ARHGEF6: variants seen among roughly 807,000 people sequenced by gnomAD.
The protein encoded by ARHGEF6 is rho guanine nucleotide exchange factor 6.
In ARHGEF6, 9 loss-of-function variants were observed where a neutral mutation model predicts 70.3. The ratio of observed to expected loss-of-function variants is 0.13; its 90% CI spans 0.08 to 0.22. ARHGEF6 has a LOEUF of 0.22. ARHGEF6 is among the 10% of genes least tolerant of loss of function. The probability of loss-of-function intolerance (pLI) is 1.00; values close to 1 mark genes in which losing one functional copy is unlikely to be tolerated. For missense variants in ARHGEF6, 470 were observed against 563.0 expected, an observed-to-expected ratio of 0.83 and a Z score of 1.67; for synonymous variants, 201 against 207.8, an observed-to-expected ratio of 0.97 and a Z score of 0.28.
intron 9 of ARHGEF6, among the ~76,000 whole-genome samples, chrX:136,701,776 T>C (rs5975776): frequency 0.049 from 5,011 of 102,331 alleles, 399 homozygotes; most frequent in African/African-American, 0.17. Flanking sequence ...GGCGCCATCT[T>C]GGCTCACTGC....
chrX:136,743,563 G>A (rs1385062659), intron 5 of ARHGEF6, 22 bp downstream of exon 5: 3 of 1,188,440 alleles, frequency 2.5e-6, no homozygotes, highest in East Asian at 3.0e-5. Context: ...CAATCAAAAA[G>A]CCTTTTAAAA....
chrX:136,676,298 A>G (rs764069809), intron 18 of ARHGEF6, among the ~76,000 whole-genome samples: 3 of 112,157 alleles, frequency 2.7e-5, no homozygotes, highest in Non-Finnish European at 5.6e-5. Context: ...GCAGAAAAAT[A>G]TCTCAAGTAT....
chrX:136,676,951 G>T (rs945830092), intron 17 of ARHGEF6, among the ~76,000 whole-genome samples: 1 of 112,542 alleles, frequency 8.9e-6, no homozygotes, highest in Non-Finnish European at 1.9e-5. Flanking sequence ...ACTAAGAGTG[G>T]AGTGTGCCTA....
At chrX:136,763,552 C>T (rs1367239103) in intron 2 of ARHGEF6, among the ~76,000 whole-genome samples, 1 of 112,241 alleles carries the variant, frequency 8.9e-6, no homozygotes, top group Non-Finnish European at 1.9e-5. Context: ...CGGCCGGGCA[C>T]GGTGGCTTAC....
Position 136,685,770 on chromosome X carries a change from G to A in ARHGEF6, c.1299C>T (p.Ser433=), listed in dbSNP as rs770820448. The change falls in exon 12 of 22, where the codon TCC becomes TCT. Residue 433 remains serine (S), a synonymous_variant. Coordinates refer to ENST00000250617, the MANE Select transcript of ARHGEF6 (RefSeq NM_004840.3). The stretch of plus-strand genomic sequence containing the variant: ...CTCCTTCCCATGCCTGAATAGGTTC[G>A]GACAGTATCTGTAACTCCAGCTGTT... ...KRKQLELQIL[S]EPIQAWEGED... is the part of the protein sequence containing the mutation. 47 of 1,209,125 alleles carry A rather than the reference G, an allele frequency of 3.9e-5. No homozygotes were observed. The South Asian group carries it at 6.3e-4, about 16-fold the overall frequency.
intron 2 of ARHGEF6, among the ~76,000 whole-genome samples, chrX:136,756,533 A>G (rs1603353620): frequency 1.8e-5 from 2 of 111,887 alleles, no homozygotes; most frequent in East Asian, 5.6e-4. Context: ...TCCCCTGTTC[A>G]TGCCTATGCT....
intron 11 of ARHGEF6, among the ~76,000 whole-genome samples, chrX:136,686,632 A>G (rs1257291405): frequency 1.3e-4 from 10 of 77,174 alleles, no homozygotes; most frequent in Non-Finnish European, 2.2e-4. Context: ...ACACATATAT[A>G]TATATATATA....
chrX:136,738,469 A>C (rs901092448), intron 5 of ARHGEF6, among the ~76,000 whole-genome samples: 22 of 112,524 alleles, frequency 2.0e-4, no homozygotes, highest in Non-Finnish European at 3.2e-4. Flanking sequence ...TATGAAGACA[A>C]GACAGTATAC....
At chrX:136,711,880 A>G (rs2076688957) in intron 7 of ARHGEF6, among the ~76,000 whole-genome samples, 1 of 112,193 alleles carries the variant, frequency 8.9e-6, no homozygotes, top group African/African-American at 3.2e-5. Flanking sequence ...ACCTGGCCCA[A>G]AAAACACTTT....
At chrX:136,674,940 T>C in intron 19 of ARHGEF6, 67 bp downstream of exon 19, 1 of 1,081,115 alleles carries the variant, frequency 9.2e-7, no homozygotes, top group Non-Finnish European at 1.3e-6. Flanking sequence ...TTTCTCTTTT[T>C]CTAAAAGACA....
At chrX:136,689,607 G>A (rs2076438563) in intron 10 of ARHGEF6, among the ~76,000 whole-genome samples, 1 of 111,975 alleles carries the variant, frequency 8.9e-6, no homozygotes, top group African/African-American at 3.2e-5. Flanking sequence ...GCTCCCCACT[G>A]CCTCCGGCTT....
chrX:136,721,786 G>A (rs2076800621), intron 6 of ARHGEF6, among the ~76,000 whole-genome samples: 1 of 111,043 alleles, frequency 9.0e-6, no homozygotes, highest in Non-Finnish European at 1.9e-5. Context: ...GGAAGTTGGG[G>A]GAGCTGGTTG....
chrX:136,769,222 G>A (rs2148683986), intron 2 of ARHGEF6, among the ~76,000 whole-genome samples: 1 of 110,715 alleles, frequency 9.0e-6, no homozygotes, highest in South Asian at 3.8e-4. Flanking sequence ...GACCAGCCTG[G>A]CCAACAGGGC....
intron 9 of ARHGEF6, among the ~76,000 whole-genome samples, chrX:136,696,668 G>A (rs993937230): frequency 2.7e-5 from 3 of 111,072 alleles, no homozygotes; most frequent in African/African-American, 9.8e-5. Flanking sequence ...TCTAGAAGTT[G>A]TCCTAATGAT....
chrX:136,776,786 G>A (rs941209264), intron 2 of ARHGEF6, among the ~76,000 whole-genome samples: 8 of 110,002 alleles, frequency 7.3e-5, no homozygotes, highest in African/African-American at 2.6e-4. Flanking sequence ...CTCACAATGT[G>A]GGAGAAAATA....
chrX:136,706,896 T>C lies in ARHGEF6; in HGVS notation c.1046+12A>G. The C allele has an allele frequency of 8.3e-7, 1 of 1,211,438 alleles. No homozygotes were observed. Among genetic ancestry groups the C allele is most frequent in the Non-Finnish European group, 1.1e-6 (1 of 895,306 alleles). ...TCTCATTGCAAAAGTTGGGGAAATG[T>C]TAACTATTTACCTGTGCTGAGTGAG... On this transcript the variant is annotated intron_variant, in intron 9 of 21. Transcript: ENST00000250617.
intron 2 of ARHGEF6, among the ~76,000 whole-genome samples, chrX:136,761,248 A>G (rs1021982995): frequency 8.9e-6 from 1 of 112,133 alleles, no homozygotes; most frequent in Admixed American, 9.5e-5. Flanking sequence ...TGAGAACAAC[A>G]GCAAGACAAT....
At chrX:136,725,708 T>C (rs969600712) in intron 6 of ARHGEF6, among the ~76,000 whole-genome samples, 10 of 111,967 alleles carry the variant, frequency 8.9e-5, no homozygotes, top group African/African-American at 2.9e-4. Flanking sequence ...ATGAAATCCA[T>C]TCAAACTCAC....
chrX:136,718,061 GAC>G (rs1014225386), intron 6 of ARHGEF6, among the ~76,000 whole-genome samples: 1 of 111,210 alleles, frequency 9.0e-6, no homozygotes, highest in African/African-American at 3.3e-5. Context: ...CCAATGAAAA[GAC>G]AGACATTTTC....
Sources: gnomAD v4.1 joint callset for allele counts (sites outside exome capture counted in the v4.1 genomes callset) on GRCh38, gnomAD v4.1.1 for gene constraint, MANE v1.5 for transcripts, NCBI Gene and HGNC (gene_info 2026-07-23, HGNC 2026-07-21) for gene names.